The following PIBF1 variants were observed in gnomAD, a reference collection of about 807,000 sequenced individuals.
PIBF1 encodes progesterone immunomodulatory binding factor 1.
A neutral mutation model predicts 112.5 loss-of-function variants in PIBF1; 90 were observed. The ratio of observed to expected loss-of-function variants is 0.80; its 90% CI spans 0.67 to 0.95. PIBF1 has a LOEUF of 0.95. Ranked by LOEUF, PIBF1 falls within the 40% of genes least tolerant of loss-of-function variation. The pLI is 0.00. For missense variants in PIBF1, 915 were observed against 852.3 expected, an observed-to-expected ratio of 1.07 and a Z score of -0.92; for synonymous variants, 301 against 288.6, an observed-to-expected ratio of 1.04 and a Z score of -0.44.
At chr13:72,922,415 G>A (rs1053137619) in intron 13 of PIBF1, among the ~76,000 whole-genome samples, 4 of 152,136 alleles carry the variant, frequency 2.6e-5, no homozygotes, top group Non-Finnish European at 4.4e-5. Context: ...AGTTGTGATT[G>A]TTTTGAAAAT....
Position 72,798,022 on chromosome 13 carries a change from C to T in PIBF1, c.668C>T (p.Thr223Ile), listed in dbSNP as rs1484251122. 6.3e-7 allele frequency: 1 copy of T among 1,599,112 alleles called. No homozygotes were observed. Among genetic ancestry groups the T allele is most frequent in the East Asian group, 2.3e-5 (1 of 44,438 alleles). The change falls in exon 5 of 18, where the codon ACA becomes ATA. Residue 223 changes from threonine (T) to isoleucine (I), a missense_variant. Physicochemically the swap from Thr to Ile is moderately conservative, Grantham distance 89. Coordinates refer to ENST00000326291, the MANE Select transcript of PIBF1 (RefSeq NM_006346.4). ...AACAAAAACCAACTGAAGCAGCTGA[C>T]AGAGGTTTGTATGGTTTTGATTGCT... ...STNKNQLKQL[T>I]ETYEEDRKNY...
intron 16 of PIBF1, among the ~76,000 whole-genome samples, chr13:72,994,775 G>T (rs1034515488): frequency 6.6e-6 from 1 of 152,150 alleles, no homozygotes; most frequent in Non-Finnish European, 1.5e-5. Flanking sequence ...GCTTCAAAAT[G>T]ATTTCATCTT....
chr13:72,789,857 A>G (rs2034805760), intron 2 of PIBF1, among the ~76,000 whole-genome samples: 1 of 152,200 alleles, frequency 6.6e-6, no homozygotes, highest in Non-Finnish European at 1.5e-5. Context: ...TTCAGACTTC[A>G]GAGCATTTTG....
chr13:72,846,329 A>G (rs1176009807), intron 9 of PIBF1, among the ~76,000 whole-genome samples: 4 of 152,152 alleles, frequency 2.6e-5, no homozygotes, highest in Non-Finnish European at 2.9e-5. Context: ...TTTTGGATTT[A>G]TGATCTCTAT....
At chr13:72,983,985 T>C (rs1393286075) in intron 16 of PIBF1, among the ~76,000 whole-genome samples, 2 of 152,174 alleles carry the variant, frequency 1.3e-5, no homozygotes, top group African/African-American at 4.8e-5. Context: ...ATTTGTTGGA[T>C]ATAAATGAGT....
At chr13:72,786,569 T>C (rs550992211) in intron 2 of PIBF1, among the ~76,000 whole-genome samples, 2 of 152,324 alleles carry the variant, frequency 1.3e-5, no homozygotes, top group East Asian at 1.9e-4. Context: ...TGTAATTCTT[T>C]GTGTGCGTCT....
intron 17 of PIBF1, among the ~76,000 whole-genome samples, chr13:73,009,573 T>C (rs1282924009): frequency 2.0e-5 from 3 of 152,134 alleles, no homozygotes; most frequent in Admixed American, 6.6e-5. Context: ...GGATTAGATA[T>C]GTAAGTATGG....
At chr13:72,833,872 C>T (rs1318953493) in intron 8 of PIBF1, among the ~76,000 whole-genome samples, 1 of 152,168 alleles carries the variant, frequency 6.6e-6, no homozygotes, top group African/African-American at 2.4e-5. Flanking sequence ...CCCAGGTGCT[C>T]TGTCCCAGGG....
intron 10 of PIBF1, among the ~76,000 whole-genome samples, chr13:72,885,308 A>C (rs1181868524): frequency 1.3e-5 from 2 of 152,070 alleles, no homozygotes; most frequent in Admixed American, 1.3e-4. Context: ...ACGGACACCT[A>C]AACCTGGAAA....
In PIBF1 at chr13:72,943,315, A is replaced by G. The variant is rs543555610; in HGVS notation, c.1833+12048A>G. Among the ~76,000 whole-genome samples, 9 of 152,314 alleles carry G rather than the reference A, an allele frequency of 5.9e-5. No individual in the cohort carries two copies. In the South Asian group the frequency reaches 1.0e-3, roughly 18 times the overall value. On this transcript the variant is annotated intron_variant, in intron 14 of 17. Coordinates refer to ENST00000326291, the MANE Select transcript of PIBF1 (RefSeq NM_006346.4). The stretch of plus-strand genomic sequence containing the variant: ...CACAATAGGATGACTGTAGTTTACA[A>G]TAATTTATTGTATATTTCAAAATAG...
chr13:72,867,250 C>A (rs147797040), intron 10 of PIBF1, among the ~76,000 whole-genome samples: 1 of 152,302 alleles, frequency 6.6e-6, no homozygotes, highest in African/African-American at 2.4e-5. Flanking sequence ...CCACCATCCA[C>A]AAAAGATGTG....
intron 2 of PIBF1, among the ~76,000 whole-genome samples, chr13:72,787,637 G>A (rs1043739142): frequency 3.3e-5 from 5 of 152,010 alleles, no homozygotes; most frequent in Admixed American, 2.6e-4. Context: ...GCTCAATTTG[G>A]TAGTGCTGCC....
At chr13:72,934,029 G>GA (rs2041790584) in intron 14 of PIBF1, among the ~76,000 whole-genome samples, 1 of 152,106 alleles carries the variant, frequency 6.6e-6, no homozygotes, top group African/African-American at 2.4e-5. Context: ...AAGACATTTG[G>GA]AGAAAGAATC....
At chr13:72,784,400 C>T (rs1245145261) in intron 2 of PIBF1, among the ~76,000 whole-genome samples, 10 of 151,918 alleles carry the variant, frequency 6.6e-5, no homozygotes, top group Admixed American at 5.9e-4. Flanking sequence ...GAGCCACAAT[C>T]GTGCCACTGC....
intron 14 of PIBF1, among the ~76,000 whole-genome samples, chr13:72,950,327 A>G (rs548856784): frequency 7.4e-4 from 112 of 152,090 alleles, no homozygotes; most frequent in Non-Finnish European, 1.3e-3. Context: ...AAAAAAAGGT[A>G]CCCCTCCAAT....
chr13:72,952,683 G>T, intron 14 of PIBF1, among the ~76,000 whole-genome samples: 1 of 147,474 alleles, frequency 6.8e-6, no homozygotes. Context: ...GTGACTTTAT[G>T]GTTTCTTAGC....
chr13:72,915,733 A>G (rs1169861437), intron 12 of PIBF1, among the ~76,000 whole-genome samples: 2 of 152,180 alleles, frequency 1.3e-5, no homozygotes, highest in South Asian at 2.1e-4. Context: ...CTCTCAACTA[A>G]TAATTCTTCC....
At chr13:72,828,998 A>G (rs1004346914) in intron 8 of PIBF1, among the ~76,000 whole-genome samples, 1 of 152,180 alleles carries the variant, frequency 6.6e-6, no homozygotes, top group Non-Finnish European at 1.5e-5. Context: ...ATGGTATCTC[A>G]TTGTGGTTTT....
chr13:72,851,388 G>T (rs2038146987), intron 9 of PIBF1, among the ~76,000 whole-genome samples: 1 of 152,254 alleles, frequency 6.6e-6, no homozygotes, highest in Admixed American at 6.5e-5. Context: ...CCAAGCCTGG[G>T]CACTGTTGCA....
Sources: allele counts gnomAD v4.1 joint callset (sites outside exome capture counted in the v4.1 genomes callset), GRCh38; gene constraint gnomAD v4.1.1; transcripts MANE v1.5; gene names NCBI Gene and HGNC (gene_info 2026-07-23, HGNC 2026-07-21).